CHD9: variants seen among roughly 807,000 people sequenced by gnomAD.
The protein encoded by CHD9 is ATP-dependent chromatin remodeler CHD9.
Under a neutral mutation model 316.1 loss-of-function variants are expected in CHD9, and 77 were observed. That is an observed-to-expected ratio of 0.24 (90% CI 0.20 to 0.29). The LOEUF (loss-of-function observed/expected upper bound fraction) is 0.29, where lower values mean the gene tolerates loss of function less well. Among genes scored for constraint, CHD9 ranks in the 10% least tolerant of loss-of-function variants. CHD9 has a pLI of 1.00. For synonymous variants in CHD9, 1,129 were observed against 1,158.3 expected (o/e 0.97, Z 0.51); for missense variants, 2,763 against 3,438.1 (o/e 0.80, Z 4.91).
At chr16:53,099,259 A>G (rs2036634034) in intron 1 of CHD9, 1 of 152,262 alleles carries the variant, frequency 6.6e-6, no homozygotes, top group Admixed American at 6.5e-5. Context: ...GGACCCGTAA[A>G]ATAAAATGGG....
chr16:53,075,966 G>A (rs1485894955), intron 1 of CHD9, among the ~76,000 whole-genome samples: 1 of 152,088 alleles, frequency 6.6e-6, no homozygotes, highest in Non-Finnish European at 1.5e-5. Context: ...TTAATGGTGT[G>A]AGTGGCATCT....
intron 1 of CHD9, among the ~76,000 whole-genome samples, chr16:53,063,593 C>A (rs920908325): frequency 1.3e-5 from 2 of 151,902 alleles, no homozygotes; most frequent in South Asian, 2.1e-4. Context: ...AGTGCAGTGG[C>A]GCAATCTTGG....
intron 1 of CHD9, among the ~76,000 whole-genome samples, chr16:53,124,898 G>A (rs1464890171): frequency 6.6e-6 from 1 of 152,186 alleles, no homozygotes; most frequent in African/African-American, 2.4e-5. Context: ...TTCGAGTTTT[G>A]GGTGGGGACA....
chr16:53,144,479 C>A (rs1418052008), intron 1 of CHD9, among the ~76,000 whole-genome samples: 1 of 151,534 alleles, frequency 6.6e-6, no homozygotes, highest in Non-Finnish European at 1.5e-5. Context: ...TTTTGTCCTA[C>A]TTTAAAAATG....
chr16:53,070,146 A>T (rs1013726521), intron 1 of CHD9, among the ~76,000 whole-genome samples: 1 of 151,778 alleles, frequency 6.6e-6, no homozygotes, highest in Admixed American at 6.6e-5. Flanking sequence ...TTCTTTATCT[A>T]TTTTGGGTAT....
chr16:53,267,009 C>T (rs1207611361), intron 20 of CHD9, among the ~76,000 whole-genome samples: 2 of 151,924 alleles, frequency 1.3e-5, no homozygotes. Flanking sequence ...GGCATAAATT[C>T]AGTTTAAAAT....
chr16:53,228,473 G>T (rs1004325441), intron 7 of CHD9, among the ~76,000 whole-genome samples: 1 of 151,690 alleles, frequency 6.6e-6, no homozygotes, highest in African/African-American at 2.4e-5. Flanking sequence ...TTGCTAACTG[G>T]GGAAAAATCA....
intron 1 of CHD9, among the ~76,000 whole-genome samples, chr16:53,124,914 A>C (rs1187165366): frequency 6.6e-6 from 1 of 152,242 alleles, no homozygotes; most frequent in Non-Finnish European, 1.5e-5. Flanking sequence ...GGACACAGTC[A>C]AACCATATCA....
At position 53,267,453 on chromosome 16, in the gene CHD9, G is replaced by C; in HGVS notation, c.4480G>C (p.Glu1494Gln). Residue 1494 changes from glutamate to glutamine, a missense_variant, in exon 21 of 39, where the codon GAA (glutamate) becomes CAA (glutamine). Physicochemically the swap from Glu to Gln is conservative, Grantham distance 29. Coordinates refer to ENST00000447540, the MANE Select transcript of CHD9 (RefSeq NM_001308319.2). ...CDRSNGYGRT[E>Q]CFRVEKNLLV... ...CCGTTCCAATGGCTATGGAAGAACT[G>C]AATGCTTTAGAGTTGAGAAAAACCT... The C allele has an allele frequency of 1.2e-6, 2 of 1,608,972 alleles. No individual in the cohort carries two copies. The highest frequency in any genetic ancestry group is 1.7e-6 in the Non-Finnish European group (2 of 1,177,306).
At chr16:53,179,460 A>G (rs1463199835) in intron 2 of CHD9, among the ~76,000 whole-genome samples, 1 of 151,656 alleles carries the variant, frequency 6.6e-6, no homozygotes, top group Non-Finnish European at 1.5e-5. Flanking sequence ...ATACATATTT[A>G]TGTCCCTCTG....
At chr16:53,098,069 G>A (rs531614509) in intron 1 of CHD9, among the ~76,000 whole-genome samples, 91 of 152,280 alleles carry the variant, frequency 6.0e-4, no homozygotes, top group African/African-American at 1.7e-3. Flanking sequence ...GCAGTGAGCC[G>A]AGATCGTGCC....
intron 2 of CHD9, among the ~76,000 whole-genome samples, chr16:53,194,124 T>C (rs1244615457): frequency 6.6e-6 from 1 of 151,926 alleles, no homozygotes; most frequent in African/African-American, 2.4e-5. Context: ...ATCCCAGTGC[T>C]GTGAGAGGAT....
At chr16:53,106,978 G>A (rs898523730) in intron 1 of CHD9, among the ~76,000 whole-genome samples, 3 of 152,070 alleles carry the variant, frequency 2.0e-5, no homozygotes, top group Admixed American at 6.6e-5. Context: ...GAATGACTTC[G>A]AATGAGAAAA....
chr16:53,194,643 G>A (rs1479004484), intron 2 of CHD9, among the ~76,000 whole-genome samples: 1 of 152,200 alleles, frequency 6.6e-6, no homozygotes, highest in Non-Finnish European at 1.5e-5. Context: ...AGAGAGAGAT[G>A]ATGGTGTTAT....
intron 29 of CHD9, among the ~76,000 whole-genome samples, chr16:53,293,799 A>T (rs1446423508): frequency 6.6e-6 from 1 of 152,026 alleles, no homozygotes; most frequent in Non-Finnish European, 1.5e-5. Flanking sequence ...AAAAATACAA[A>T]AATTAGCCAG....
rs181520400 is a variant in CHD9, at chr16:53,069,937, T to G, written c.-165+14860T>G. On this transcript the variant is annotated intron_variant, in intron 1 of 38. Coordinates refer to ENST00000447540, the MANE Select transcript of CHD9 (RefSeq NM_001308319.2). ...GTTTGTGTGTGGTTTTTTTTGATCA[T>G]AGGTGTCCTATCCTGGTGTGAAGTG... 3.4e-4 allele frequency among the ~76,000 whole-genome samples: 51 copies of G among 152,076 alleles called. 1 individual carries two copies. Among genetic ancestry groups the G allele is most frequent in the Middle Eastern group, 6.8e-3 (2 of 294 alleles).
At chr16:53,208,495 T>C (rs566682648) in intron 2 of CHD9, 1 of 1,149,378 alleles carries the variant, frequency 8.7e-7, no homozygotes, top group African/African-American at 1.6e-5. Flanking sequence ...CCTCGAGTCT[T>C]GGTTATTTGT....
chr16:53,077,486 G>A (rs2034640811), intron 1 of CHD9, among the ~76,000 whole-genome samples: 1 of 151,656 alleles, frequency 6.6e-6, no homozygotes, highest in Non-Finnish European at 1.5e-5. Context: ...ACCACGCCCA[G>A]TTAATTTTGT....
At chr16:53,315,873 C>T (rs527483686) in intron 36 of CHD9, among the ~76,000 whole-genome samples, 6 of 152,312 alleles carry the variant, frequency 3.9e-5, no homozygotes, top group East Asian at 3.9e-4. Flanking sequence ...GGAGCCCAAA[C>T]TGCTCCTCTT....
Sources: gnomAD v4.1 joint callset for allele counts (sites outside exome capture counted in the v4.1 genomes callset) on GRCh38, gnomAD v4.1.1 for gene constraint, MANE v1.5 for transcripts, NCBI Gene and HGNC (gene_info 2026-07-23, HGNC 2026-07-21) for gene names.